SNED1: variants seen among roughly 807,000 people sequenced by gnomAD.
The protein encoded by SNED1 is sushi, nidogen and EGF-like domain-containing protein 1.
Under a neutral mutation model 166.7 loss-of-function variants are expected in SNED1, and 81 were observed. The observed-to-expected ratio is 0.49, with a 90% CI of 0.41 to 0.58. The LOEUF is 0.58. Among genes scored for constraint, SNED1 ranks in the 20% least tolerant of loss-of-function variants. SNED1 has a pLI of 0.00. For missense variants in SNED1, 1,604 were observed against 2,000.2 expected, an observed-to-expected ratio of 0.80 and a Z score of 3.78; for synonymous variants, 762 against 822.0, an observed-to-expected ratio of 0.93 and a Z score of 1.25.
rs2062625550 is a variant in SNED1, at chr2:241,069,842, G to A, written c.3308-78G>A. 1 of 1,517,540 alleles carries A rather than the reference G, an allele frequency of 6.6e-7. No individual in the cohort carries two copies. Among genetic ancestry groups the A allele is most frequent in the Non-Finnish European group, 8.9e-7 (1 of 1,120,712 alleles). 94.0% of individuals were successfully genotyped at this position (1,517,540 alleles called of 1,614,324 possible). On this transcript the variant is annotated intron_variant, in intron 23 of 31. Coordinates refer to ENST00000310397, the MANE Select transcript of SNED1 (RefSeq NM_001080437.3). This position sits in a 1 kb window ranked among gnomAD's most constrained non-coding sequence, Gnocchi z 4.9. ...TTCCAGCAAGGCTGCGGCAGCCCAT[G>A]TCCGGTTCTCAAACCGTGTTCTTGC... is the stretch of plus-strand genomic sequence containing the variant.
At position 241,069,846 on chromosome 2, in the gene SNED1, GGTTCTCAAACCGT is replaced by G; in HGVS notation, c.3308-68_3308-56del. On this transcript the variant is annotated intron_variant, in intron 23 of 31. Transcript: ENST00000310397. This position sits in a 1 kb window ranked among gnomAD's most constrained non-coding sequence, Gnocchi z 4.9. ...AGCAAGGCTGCGGCAGCCCATGTCC[GGTTCTCAAACCGT>G]GTTCTTGCCAGAAGACCCTGTGGGC... 1 of 1,531,240 alleles carries G rather than the reference GGTTCTCAAACCGT, an allele frequency of 6.5e-7. No individual in the cohort carries two copies. Among genetic ancestry groups the G allele is most frequent in the Non-Finnish European group, 8.8e-7 (1 of 1,131,290 alleles). 94.9% of individuals were successfully genotyped at this position (1,531,240 alleles called of 1,614,324 possible).
intron 1 of SNED1, among the ~76,000 whole-genome samples, chr2:241,008,594 C>T (rs922605754): frequency 1.3e-5 from 2 of 152,230 alleles, no homozygotes; most frequent in African/African-American, 4.8e-5. Context: ...ACACCCCATA[C>T]ATCATCTACG....
chr2:241,003,892 TG>T (rs1165870891), intron 1 of SNED1, among the ~76,000 whole-genome samples: 2 of 152,354 alleles, frequency 1.3e-5, no homozygotes, highest in African/African-American at 4.8e-5. Context: ...ACCAAAAAAA[TG>T]TTGGTTATCA....
rs574823642 is a variant in SNED1, at chr2:241,071,411, A to T, written c.3590-165A>T. On this transcript the variant is annotated intron_variant, in intron 24 of 31. Coordinates refer to ENST00000310397, the MANE Select transcript of SNED1 (RefSeq NM_001080437.3). The stretch of plus-strand genomic sequence containing the variant: ...GGTGGGCTGGAAGGGAACCCAGGGC[A>T]TCTGGGGAAGCCACAAGCACCTTGG... The T allele has an allele frequency of 6.8e-4, 498 of 735,950 alleles. 2 individuals carry two copies. The highest frequency in any genetic ancestry group is 5.5e-3 in the Admixed American group (218 of 39,354). 45.6% of individuals were successfully genotyped at this position (735,950 alleles called of 1,614,324 possible).
At chr2:241,049,161 T>A (rs1452853632) in intron 11 of SNED1, 26 bp downstream of exon 11, 3 of 1,579,088 alleles carry the variant, frequency 1.9e-6, no homozygotes, top group Non-Finnish European at 2.6e-6. Context: ...ACGAGCCTGC[T>A]GGGCCGGGGG....
intron 3 of SNED1, among the ~76,000 whole-genome samples, 199 bp from the exon 4 acceptor site, chr2:241,034,369 C>T (rs2061279534): frequency 6.6e-6 from 1 of 152,224 alleles, no homozygotes; most frequent in Non-Finnish European, 1.5e-5. Context: ...GGCCCAAGAG[C>T]CCAGAGGTGA....
At chr2:241,011,869 C>T (rs910832791) in intron 1 of SNED1, among the ~76,000 whole-genome samples, 4 of 152,234 alleles carry the variant, frequency 2.6e-5, no homozygotes, top group African/African-American at 7.2e-5. Context: ...GCGGTGCTGG[C>T]GCTGCCCTGT....
At chr2:241,072,758 G>A (rs1054155781) in intron 26 of SNED1, 4 of 189,288 alleles carry the variant, frequency 2.1e-5, no homozygotes, top group Non-Finnish European at 1.1e-5. Context: ...AGGGGGGCCC[G>A]TTGTACTTGC....
rs2060017228 is a variant in SNED1 at position 240,999,692 on chromosome 2, C to T, written c.213+642C>T. Among the ~76,000 whole-genome samples the T allele has an allele frequency of 6.6e-6, 1 of 152,150 alleles. No homozygotes were observed. The highest frequency in any genetic ancestry group is 2.4e-5 in the African/African-American group (1 of 41,440). On this transcript the variant is annotated intron_variant, in intron 1 of 31. Transcript: ENST00000310397. The surrounding 1 kb of genome is among the most constrained non-coding windows in gnomAD (Gnocchi z 5.8). ...AGGACTCCCAGTGGGACTCCTGGGGCCAGGGACTCATGACAGCAGGCTCAG... is the reference window on the plus strand; with the variant it reads ...AGGACTCCCAGTGGGACTCCTGGGGTCAGGGACTCATGACAGCAGGCTCAG...
At chr2:241,083,062 AACAG>A (rs58613683) in intron 29 of SNED1, among the ~76,000 whole-genome samples, 10,811 of 152,230 alleles carry the variant, frequency 0.071, 513 homozygotes, top group East Asian at 0.21. Flanking sequence ...GGGGACAGAC[AACAG>A]ACAGCAGTGA....
rs920312622 is a variant in SNED1, at chr2:241,018,128, C to T, written c.214-12156C>T. ...AACCCGAGTAGCTCTGTCTGAGAAC[C>T]GCCATTCGCCTTGCCGTGGTCCCTG... On this transcript the variant is annotated intron_variant, in intron 1 of 31. Coordinates refer to ENST00000310397, the MANE Select transcript of SNED1 (RefSeq NM_001080437.3). This position sits in a 1 kb window ranked among gnomAD's most constrained non-coding sequence, Gnocchi z 5.4. Among the ~76,000 whole-genome samples the T allele has an allele frequency of 1.3e-5, 2 of 152,208 alleles. No individual in the cohort carries two copies. Among genetic ancestry groups the T allele is most frequent in the Admixed American group, 1.3e-4 (2 of 15,284 alleles).
chr2:241,040,401 C>T lies in SNED1; in HGVS notation c.1261C>T (p.Arg421Cys), dbSNP rs1374681775. The change falls in exon 8 of 32, where the codon CGC (arginine) becomes TGC (cysteine). Residue 421 changes from arginine to cysteine, a missense_variant. Arg to Cys is a radical substitution (Grantham distance 180). Coordinates refer to ENST00000310397, the MANE Select transcript of SNED1 (RefSeq NM_001080437.3). ...CLCAEPFKGLRCETGDHPVPD... is the reference protein window; with the variant it reads ...CLCAEPFKGLCCETGDHPVPD... ...GTGTGCCGAGCCCTTCAAGGGACTT[C>T]GCTGTGAGACAGGTAACTGGCCAAG... is the stretch of plus-strand genomic sequence containing the variant. 3.0e-5 allele frequency: 48 copies of T among 1,591,508 alleles called. No individual in the cohort carries two copies. Among genetic ancestry groups the T allele is most frequent in the Non-Finnish European group, 3.9e-5 (45 of 1,168,170 alleles).
At chr2:241,054,811 A>G (rs1335251361) in intron 16 of SNED1, among the ~76,000 whole-genome samples, 1 of 152,208 alleles carries the variant, frequency 6.6e-6, no homozygotes, top group East Asian at 1.9e-4. Flanking sequence ...GGGAAAGATA[A>G]ATAAATAAAA....
chr2:241,037,730 A>G (rs2061417414), intron 6 of SNED1, among the ~76,000 whole-genome samples: 2 of 152,224 alleles, frequency 1.3e-5, no homozygotes, highest in African/African-American at 4.8e-5. Context: ...GCCCAGGACC[A>G]GCTTGAGGGG....
chr2:241,030,450 T>A lies in SNED1; in HGVS notation c.380T>A (p.Leu127Gln). 1.2e-6 allele frequency: 2 copies of A among 1,613,794 alleles called. No homozygotes were observed. The highest frequency in any genetic ancestry group is 1.7e-6 in the Non-Finnish European group (2 of 1,179,854). The change falls in exon 2 of 32, where the codon CTG becomes CAG. Residue 127 changes from leucine (L) to glutamine (Q), a missense_variant. This residue lies in a region of SNED1 where 1,237 missense variants were observed against 1,620.8 expected (regional missense o/e 0.76). Transcript: ENST00000310397. ...CGGGAGGCCACCGACCCAGCCATGCTGCGCCGAGCCACGGAGGACGTCAGG... is the reference window on the plus strand; with the variant it reads ...CGGGAGGCCACCGACCCAGCCATGCAGCGCCGAGCCACGGAGGACGTCAGG... ...YYREATDPAM[L>Q]RRATEDVRHY...
chr2:241,086,285 A>G (rs1355478460), intron 29 of SNED1, among the ~76,000 whole-genome samples: 3 of 152,188 alleles, frequency 2.0e-5, no homozygotes. Flanking sequence ...ATGCATGCAC[A>G]GCTTTATTTC....
In SNED1 at chr2:241,062,833, C is replaced by T. The variant is rs2062285885; in HGVS notation, c.2300C>T (p.Ser767Phe). The T allele has an allele frequency of 2.5e-6, 4 of 1,612,156 alleles. No homozygotes were observed. The highest frequency in any genetic ancestry group is 1.7e-4 in the Middle Eastern group (1 of 6,056). The change falls in exon 17 of 32, where the codon TCT becomes TTT. Residue 767 changes from serine to phenylalanine, a missense_variant. Ser to Phe is a radical substitution (Grantham distance 155, BLOSUM62 -2). Transcript: ENST00000310397. ...TCTCAGCCGTGCCTGCATGGGGGCT[C>T]TTGTCAGGACCGCGTTGCTGGGTAC... ...CRSQPCLHGG[S>F]CQDRVAGYLC...
chr2:241,062,599 A>C (rs933583981), intron 16 of SNED1, among the ~76,000 whole-genome samples, 192 bp from the exon 17 acceptor site: 1 of 152,192 alleles, frequency 6.6e-6, no homozygotes, highest in Non-Finnish European at 1.5e-5. Context: ...CTTCACAGAC[A>C]CAGCCAGGCA....
At chr2:241,026,047 G>A (rs554032896) in intron 1 of SNED1, among the ~76,000 whole-genome samples, 26 of 88,234 alleles carry the variant, frequency 2.9e-4, no homozygotes, top group African/African-American at 1.1e-3. Context: ...ACAGAGTCTT[G>A]CTCTGTCACC....
Sources: allele counts gnomAD v4.1 joint callset (sites outside exome capture counted in the v4.1 genomes callset), GRCh38; gene constraint gnomAD v4.1.1; regional missense constraint gnomAD v4.1.1; non-coding constraint Gnocchi (gnomAD v3.1); transcripts MANE v1.5; gene names NCBI Gene and HGNC (gene_info 2026-07-23, HGNC 2026-07-21).